The following C4orf50 variants were observed in gnomAD, a reference collection of about 807,000 sequenced individuals.
C4orf50 encodes the protein uncharacterized protein C4orf50.
In C4orf50, 80 loss-of-function variants were observed where a neutral mutation model predicts 77.2. The observed-to-expected ratio is 1.04, with a 90% CI of 0.87 to 1.25. C4orf50 has a LOEUF of 1.25. C4orf50 is among the 50% of genes most tolerant of loss of function. The probability of loss-of-function intolerance (pLI) is 0.00; values close to 1 mark genes in which losing one functional copy is unlikely to be tolerated. For synonymous variants in C4orf50, 532 were observed against 465.3 expected (o/e 1.14, Z -1.84); for missense variants, 1,257 against 1,152.9 (o/e 1.09, Z -1.31).
rs185104219 is a variant in C4orf50, at chr4:6,006,015, G to C, written c.963+1981C>G. Among the ~76,000 whole-genome samples the C allele has an allele frequency of 4.1e-3, 622 of 152,292 alleles. 6 individuals carry two copies. The highest frequency in any genetic ancestry group is 0.014 in the African/African-American group (587 of 41,570). Reference sequence around the variant, plus strand: ...ATTTTAAATGACAATTTCCATCTGTGCACACTTGTTTTCCAAAATTACAAC... The same window carrying C: ...ATTTTAAATGACAATTTCCATCTGTCCACACTTGTTTTCCAAAATTACAAC... On this transcript the variant is annotated intron_variant, in intron 25 of 33. Transcript: ENST00000531445.
chr4:5,931,736 G>T (rs1717776895), intron 7 of C4orf50, among the ~76,000 whole-genome samples: 1 of 152,090 alleles, frequency 6.6e-6, no homozygotes, highest in African/African-American at 2.4e-5. Context: ...CTCCAGGAAG[G>T]CTTCTGAGGA....
chr4:6,005,257 G>C (rs76314339), intron 25 of C4orf50, among the ~76,000 whole-genome samples: 22,180 of 152,202 alleles, frequency 0.15, 1,712 homozygotes, highest in East Asian at 0.22. Flanking sequence ...GAAGTGGCTG[G>C]GGACCACACT....
At chr4:5,976,935 C>A (rs1206997652) in intron 29 of C4orf50, among the ~76,000 whole-genome samples, 2 of 152,362 alleles carry the variant, frequency 1.3e-5, no homozygotes, top group East Asian at 3.9e-4. Flanking sequence ...GTGGAAGTGG[C>A]CCTGAGGCCT....
At chr4:5,946,879 A>G (rs1376253558) in intron 7 of C4orf50, among the ~76,000 whole-genome samples, 1 of 152,222 alleles carries the variant, frequency 6.6e-6, no homozygotes, top group Non-Finnish European at 1.5e-5. Flanking sequence ...TTGCTGAGAG[A>G]ATTAAATTTA....
chr4:5,914,007 G>A (rs1487720355), intron 7 of C4orf50, among the ~76,000 whole-genome samples: 1 of 152,098 alleles, frequency 6.6e-6, no homozygotes, highest in Non-Finnish European at 1.5e-5. Flanking sequence ...GGTTGAGAAA[G>A]GTTCATGCTA....
At chr4:5,936,371 G>C (rs1202625869) in intron 7 of C4orf50, among the ~76,000 whole-genome samples, 2 of 152,044 alleles carry the variant, frequency 1.3e-5, no homozygotes, top group East Asian at 3.9e-4. Context: ...AGACCAGCCT[G>C]GTCAACATGG....
At chr4:5,930,028 G>C (rs1717696365) in intron 7 of C4orf50, among the ~76,000 whole-genome samples, 1 of 152,180 alleles carries the variant, frequency 6.6e-6, no homozygotes, top group African/African-American at 2.4e-5. Context: ...GTGTCTAACA[G>C]GACGCAGGTG....
At chr4:5,938,418 T>C (rs1321832557) in intron 7 of C4orf50, among the ~76,000 whole-genome samples, 1 of 152,146 alleles carries the variant, frequency 6.6e-6, no homozygotes, top group Non-Finnish European at 1.5e-5. Flanking sequence ...AAGTTAACAA[T>C]GACAATGTCC....
intron 7 of C4orf50, among the ~76,000 whole-genome samples, chr4:5,948,904 T>C (rs1577920785): frequency 7.1e-6 from 1 of 141,486 alleles, no homozygotes; most frequent in Admixed American, 7.4e-5. Flanking sequence ...GAGGTTGCAG[T>C]GAGCCAAGAT....
chr4:6,004,301 ATGG>A (rs1183390727), intron 25 of C4orf50, among the ~76,000 whole-genome samples: 25 of 60,746 alleles, frequency 4.1e-4, no homozygotes, highest in East Asian at 3.1e-3. Flanking sequence ...GATGATGGTG[ATGG>A]TGGTGATGAT....
chr4:5,985,835 G>A (rs2108785996), intron 28 of C4orf50, among the ~76,000 whole-genome samples: 1 of 152,220 alleles, frequency 6.6e-6, no homozygotes, highest in African/African-American at 2.4e-5. Flanking sequence ...TGGGCGTGAT[G>A]GTGGGTGCCA....
At chr4:5,953,716 G>C (rs929985190), downstream of C4orf50, among the ~76,000 whole-genome samples, 47 of 152,252 alleles carry the variant, frequency 3.1e-4, no homozygotes, top group Middle Eastern at 3.4e-3. Context: ...CCCTGCTGGG[G>C]GGCCTGGGGG....
Position 5,905,515 on chromosome 4 carries a change from T to C in C4orf50, c.*2475-7327A>G, listed in dbSNP as rs1716508472. The stretch of plus-strand genomic sequence containing the variant: ...CATAGCAACCAGTGTGGCTTCTACA[T>C]GAAGCCATCCACATGCACACACCTT... On this transcript the variant is annotated intron_variant, in intron 7 of 7. Transcript: ENST00000324058. This position sits in a 1 kb window ranked among gnomAD's most constrained non-coding sequence, Gnocchi z 5.4. The C allele has an allele frequency of 6.6e-6, 1 of 152,228 alleles. No individual in the cohort carries two copies. Among genetic ancestry groups the C allele is most frequent in the Non-Finnish European group, 1.5e-5 (1 of 68,052 alleles). 9.4% of individuals were successfully genotyped at this position (152,228 alleles called of 1,614,324 possible).
rs150109656 is a variant in C4orf50, at chr4:5,905,851, T to C, written c.*2475-7663A>G. On this transcript the variant is annotated intron_variant, in intron 7 of 7. Transcript: ENST00000324058. This position sits in a 1 kb window ranked among gnomAD's most constrained non-coding sequence, Gnocchi z 5.4. ...TGGGGTGCTCTGGGATGTCGTCATT[T>C]GTTCGTCCAACAAAAAGTGATGGGA... is the stretch of plus-strand genomic sequence containing the variant. Among the ~76,000 whole-genome samples the C allele has an allele frequency of 2.6e-5, 4 of 151,746 alleles. No homozygotes were observed. The highest frequency in any genetic ancestry group is 5.9e-5 in the Non-Finnish European group (4 of 67,968).
intron 7 of C4orf50, among the ~76,000 whole-genome samples, chr4:5,922,869 C>T (rs562393119): frequency 2.0e-5 from 3 of 152,246 alleles, no homozygotes; most frequent in Admixed American, 6.5e-5. Flanking sequence ...CTCCTCCCAA[C>T]CCTGTCCCAT....
At chr4:5,973,659 C>A in exon 31 of C4orf50, 1 of 1,610,392 alleles carries the variant, frequency 6.2e-7, no homozygotes, top group South Asian at 1.1e-5. Context: ...GGGACTCTAC[C>A]TCTGGGACTC....
At chr4:5,991,088 A>T (rs185333176) in intron 27 of C4orf50, among the ~76,000 whole-genome samples, 261 of 152,258 alleles carry the variant, frequency 1.7e-3, no homozygotes, top group African/African-American at 6.0e-3. Context: ...CTTCCTTGAA[A>T]AGGCCCTCCC....
Position 5,908,766 on chromosome 4 carries a change from G to A in C4orf50, c.*2475-10578C>T, listed in dbSNP as rs748194556. 6.6e-6 allele frequency among the ~76,000 whole-genome samples: 1 copy of A among 152,144 alleles called. No homozygotes were observed. The highest frequency in any genetic ancestry group is 1.5e-5 in the Non-Finnish European group (1 of 68,024). ...CTCCCAAGGTCATGCAGCCTTCAGT[G>A]GGGATGCACAGGGGATGTGGGAAGG... is the stretch of plus-strand genomic sequence containing the variant. On this transcript the variant is annotated intron_variant, in intron 7 of 7. Coordinates refer to the C4orf50 transcript ENST00000324058. The surrounding 1 kb of genome is among the most constrained non-coding windows in gnomAD (Gnocchi z 5.6).
rs1025467864 is a variant in C4orf50, at chr4:6,000,174, G to A, written c.964-5698C>T. On this transcript the variant is annotated intron_variant, in intron 25 of 33. Coordinates refer to ENST00000531445, the Ensembl canonical transcript of C4orf50. The surrounding 1 kb of genome is among the most constrained non-coding windows in gnomAD (Gnocchi z 6.0). ...GGGTCACTCCCAGTCCTTTGAAGAT[G>A]CACTGGCAGCCTTGGGCAGTCACAC... is the stretch of plus-strand genomic sequence containing the variant. Among the ~76,000 whole-genome samples, 38 of 152,136 alleles carry A rather than the reference G, an allele frequency of 2.5e-4. No individual in the cohort carries two copies. The highest frequency in any genetic ancestry group is 8.2e-4 in the African/African-American group (34 of 41,420).
Sources: allele counts gnomAD v4.1 joint callset (sites outside exome capture counted in the v4.1 genomes callset), GRCh38; gene constraint gnomAD v4.1.1; non-coding constraint Gnocchi (gnomAD v3.1); transcripts MANE v1.5; gene names NCBI Gene and HGNC (gene_info 2026-07-23, HGNC 2026-07-21).